PSD3: variants seen among roughly 807,000 people sequenced by gnomAD.
The protein encoded by PSD3 is PH and SEC7 domain-containing protein 3.
PSD3 carries 49 observed loss-of-function variants against 105.5 expected under a neutral mutation model. That is an observed-to-expected ratio of 0.46 (90% confidence interval 0.37 to 0.59). The LOEUF (loss-of-function observed/expected upper bound fraction) is 0.59, where lower values mean the gene tolerates loss of function less well. PSD3 is among the 20% of genes least tolerant of loss of function. The probability of loss-of-function intolerance (pLI) is 0.00; values close to 1 mark genes in which losing one functional copy is unlikely to be tolerated. For synonymous variants in PSD3, 557 were observed against 457.8 expected (o/e 1.22, Z -2.77); for missense variants, 1,561 against 1,263.8 (o/e 1.24, Z -3.57).
At chr8:18,606,876 C>G (rs1804877464) in intron 11 of PSD3, among the ~76,000 whole-genome samples, 1 of 152,190 alleles carries the variant, frequency 6.6e-6, no homozygotes, top group Admixed American at 6.5e-5. Context: ...TCCAAACAAT[C>G]TTTTCAGGTA....
chr8:18,933,168 T>C (rs1312519068), intron 2 of PSD3, among the ~76,000 whole-genome samples: 4 of 152,178 alleles, frequency 2.6e-5, no homozygotes, highest in Non-Finnish European at 5.9e-5. Flanking sequence ...GAGCAACTAC[T>C]ACCAACCATT....
At chr8:18,681,417 G>A (rs1292894923) in intron 9 of PSD3, among the ~76,000 whole-genome samples, 3 of 145,226 alleles carry the variant, frequency 2.1e-5, no homozygotes, top group African/African-American at 7.8e-5. Context: ...GACCAACCTG[G>A]GCAACATACT....
chr8:18,596,303 A>C (rs1385176329), intron 12 of PSD3, among the ~76,000 whole-genome samples: 1 of 152,116 alleles, frequency 6.6e-6, no homozygotes, highest in Non-Finnish European at 1.5e-5. Flanking sequence ...TTAGAAAAGA[A>C]GAAAGATTTA....
chr8:18,974,556 G>T (rs1051638933), intron 1 of PSD3, among the ~76,000 whole-genome samples: 1 of 152,052 alleles, frequency 6.6e-6, no homozygotes. Context: ...GCCCCACTAC[G>T]CGCTAGTCCC....
chr8:18,870,518 C>G (rs117977474), intron 3 of PSD3, among the ~76,000 whole-genome samples: 1 of 151,928 alleles, frequency 6.6e-6, no homozygotes, highest in Non-Finnish European at 1.5e-5. Context: ...TATCACCCAC[C>G]GGGCCCTGTC....
chr8:18,547,130 C>T (rs559347227), intron 15 of PSD3, among the ~76,000 whole-genome samples: 2 of 152,240 alleles, frequency 1.3e-5, no homozygotes, highest in African/African-American at 4.8e-5. Context: ...TGGGCACCCA[C>T]CCATGTAAGC....
intron 4 of PSD3, among the ~76,000 whole-genome samples, chr8:18,826,704 G>T (rs1282778869): frequency 6.6e-6 from 1 of 152,202 alleles, no homozygotes; most frequent in Non-Finnish European, 1.5e-5. Context: ...CTTTGGAAAG[G>T]CTTGAAGGTT....
At chr8:18,985,994 G>C (rs1385570577) in intron 1 of PSD3, among the ~76,000 whole-genome samples, 2 of 152,006 alleles carry the variant, frequency 1.3e-5, no homozygotes, top group Non-Finnish European at 2.9e-5. Context: ...CAAGATTACA[G>C]TTGTATCTAA....
chr8:19,014,456 T>G (rs1827109417), upstream of PSD3: 1 of 152,226 alleles, frequency 6.6e-6, no homozygotes, highest in Non-Finnish European at 1.5e-5. The surrounding 1 kb of genome is among the most constrained non-coding windows in gnomAD (Gnocchi z 4.9). Flanking sequence ...ACCCGCACCT[T>G]TTTTCCTCCG....
chr8:18,584,088 T>C (rs75694374), intron 12 of PSD3, among the ~76,000 whole-genome samples: 11 of 152,284 alleles, frequency 7.2e-5, no homozygotes, highest in Admixed American at 4.6e-4. Context: ...CTGGGAACAA[T>C]AGACCTGAAA....
At chr8:18,712,653 C>A (rs1426065195) in intron 9 of PSD3, among the ~76,000 whole-genome samples, 1 of 151,974 alleles carries the variant, frequency 6.6e-6, no homozygotes, top group Non-Finnish European at 1.5e-5. Context: ...CCCAACCAAA[C>A]AAACAAAAAA....
intron 2 of PSD3, among the ~76,000 whole-genome samples, chr8:18,873,226 G>GT (rs762330406): frequency 1.3e-5 from 2 of 152,134 alleles, no homozygotes; most frequent in Non-Finnish European, 2.9e-5. Flanking sequence ...CAGTCAATAT[G>GT]TTTTTTCTGC....
At chr8:18,977,737 A>G (rs970914876) in intron 1 of PSD3, among the ~76,000 whole-genome samples, 1 of 152,212 alleles carries the variant, frequency 6.6e-6, no homozygotes, top group Non-Finnish European at 1.5e-5. Flanking sequence ...AAATTTAGAC[A>G]TGCACTAAAA....
At chr8:18,590,764 A>C (rs73211750) in intron 12 of PSD3, among the ~76,000 whole-genome samples, 1,965 of 152,334 alleles carry the variant, frequency 0.013, 25 homozygotes, top group Non-Finnish European at 0.021. Flanking sequence ...TACTACATGC[A>C]TTTAAAAATG....
At chr8:18,618,037 C>A (rs1805824533) in intron 11 of PSD3, among the ~76,000 whole-genome samples, 1 of 152,094 alleles carries the variant, frequency 6.6e-6, no homozygotes, top group South Asian at 2.1e-4. Flanking sequence ...ACATCTATTC[C>A]CTCTGAAGTC....
intron 9 of PSD3, chr8:18,762,823 G>T (rs991091509): frequency 2.0e-5 from 15 of 738,184 alleles, no homozygotes; most frequent in Non-Finnish European, 2.8e-5. Context: ...ATTTAAATAT[G>T]TCAAGGTCTA....
chr8:19,040,810 T>A (rs955539775), intron 1 of PSD3, among the ~76,000 whole-genome samples: 1 of 152,232 alleles, frequency 6.6e-6, no homozygotes, highest in Admixed American at 6.5e-5. Flanking sequence ...ATGTTGTCCA[T>A]GAGTTGTTCT....
intron 10 of PSD3, among the ~76,000 whole-genome samples, chr8:18,652,175 C>T (rs967456372): frequency 3.3e-5 from 5 of 152,024 alleles, no homozygotes; most frequent in African/African-American, 9.7e-5. Flanking sequence ...AGACGATGAG[C>T]GCTAAGTGCC....
chr8:18,951,673 A>G (rs1162292391), intron 1 of PSD3, among the ~76,000 whole-genome samples: 1 of 152,184 alleles, frequency 6.6e-6, no homozygotes, highest in Non-Finnish European at 1.5e-5. Flanking sequence ...TTTGGACCCA[A>G]ACAATCAAGG....
Sources: allele counts gnomAD v4.1 joint callset (sites outside exome capture counted in the v4.1 genomes callset), GRCh38; gene constraint gnomAD v4.1.1; non-coding constraint Gnocchi (gnomAD v3.1); transcripts MANE v1.5; gene names NCBI Gene and HGNC (gene_info 2026-07-23, HGNC 2026-07-21).